The following PRKCA variants were observed in gnomAD, a reference collection of about 807,000 sequenced individuals.
PRKCA encodes the protein protein kinase C alpha.
Under a neutral mutation model 87.0 loss-of-function variants are expected in PRKCA, and 27 were observed. The observed-to-expected ratio is 0.31, with a 90% confidence interval of 0.23 to 0.43. The LOEUF (loss-of-function observed/expected upper bound fraction) is 0.43. Among genes scored for constraint, PRKCA ranks in the 20% least tolerant of loss-of-function variants. PRKCA has a pLI of 1.00. For missense variants in PRKCA, 518 were observed against 852.3 expected (o/e 0.61, Z 4.88); for synonymous variants, 329 against 311.1 (o/e 1.06, Z -0.61).
chr17:66,421,699 ATTTTTTT>A (rs775159872), intron 2 of PRKCA, among the ~76,000 whole-genome samples: 6 of 136,394 alleles, frequency 4.4e-5, no homozygotes, highest in East Asian at 2.1e-4. Flanking sequence ...GGCCTGGCTA[ATTTTTTT>A]TTTTTTTTTT....
At chr17:66,336,593 G>GT (rs1292302662) in intron 2 of PRKCA, among the ~76,000 whole-genome samples, 2 of 108,614 alleles carry the variant, frequency 1.8e-5, no homozygotes, top group African/African-American at 2.8e-5. Context: ...ATTGGCTTAA[G>GT]TTTTTTTGGT....
intron 2 of PRKCA, among the ~76,000 whole-genome samples, chr17:66,466,174 A>T (rs374318453): frequency 3.1e-4 from 47 of 152,228 alleles, no homozygotes; most frequent in African/African-American, 1.1e-3. Flanking sequence ...AAGCACGAGG[A>T]TGGGTCTGGA....
At chr17:66,523,275 C>G (rs1268392402) in intron 3 of PRKCA, among the ~76,000 whole-genome samples, 1 of 152,136 alleles carries the variant, frequency 6.6e-6, no homozygotes, top group Non-Finnish European at 1.5e-5. Flanking sequence ...ATGCATTCCC[C>G]CAGTTCCTCC....
chr17:66,338,439 G>A (rs573257478), intron 2 of PRKCA, among the ~76,000 whole-genome samples: 9 of 152,164 alleles, frequency 5.9e-5, no homozygotes, highest in South Asian at 2.1e-4. Flanking sequence ...TGAGAGAGGG[G>A]GATGAGGAAA....
chr17:66,798,489 C>T (rs62070966), intron 16 of PRKCA, among the ~76,000 whole-genome samples: 20 of 1,390 alleles, frequency 0.014, no homozygotes, highest in South Asian at 0.021. Context: ...GTGGTGGTGA[C>T]GGTGGTGGTG....
intron 8 of PRKCA, among the ~76,000 whole-genome samples, chr17:66,714,370 A>C (rs78821503): frequency 0.15 from 22,318 of 152,140 alleles, 1,875 homozygotes; most frequent in East Asian, 0.27. Context: ...TTGTGCCCTC[A>C]GGCCTGTGCC....
intron 2 of PRKCA, among the ~76,000 whole-genome samples, chr17:66,491,006 GA>G (rs1916221419): frequency 6.6e-6 from 1 of 152,174 alleles, no homozygotes; most frequent in African/African-American, 2.4e-5. Flanking sequence ...GATTAGCAAG[GA>G]ATATGGATCA....
intron 3 of PRKCA, among the ~76,000 whole-genome samples, chr17:66,544,190 C>G (rs1327379024): frequency 6.6e-6 from 1 of 152,094 alleles, no homozygotes; most frequent in Non-Finnish European, 1.5e-5. Context: ...GACCACTGCA[C>G]TGCAGCCTGG....
chr17:66,540,315 T>A (rs908150), intron 3 of PRKCA, among the ~76,000 whole-genome samples: 1 of 151,730 alleles, frequency 6.6e-6, no homozygotes, highest in Non-Finnish European at 1.5e-5. Context: ...CAGCGGAGAG[T>A]CTGGAGCCCT....
chr17:66,602,409 G>T (rs1486298993), intron 3 of PRKCA, among the ~76,000 whole-genome samples: 1 of 149,518 alleles, frequency 6.7e-6, no homozygotes, highest in African/African-American at 2.5e-5. Flanking sequence ...GTGAGGCAAT[G>T]CCTCGCCCTG....
chr17:66,510,364 G>A (rs1917171797), intron 3 of PRKCA, among the ~76,000 whole-genome samples: 1 of 152,178 alleles, frequency 6.6e-6, no homozygotes, highest in Non-Finnish European at 1.5e-5. Flanking sequence ...ACTGAACTGT[G>A]CCTGCTGTGT....
chr17:66,666,283 T>A (rs1456214638), intron 5 of PRKCA, among the ~76,000 whole-genome samples: 3 of 152,182 alleles, frequency 2.0e-5, no homozygotes, highest in Non-Finnish European at 4.4e-5. Context: ...AAATGTTGGA[T>A]GGCAGCAGAC....
intron 2 of PRKCA, among the ~76,000 whole-genome samples, chr17:66,327,452 C>T (rs1906050706): frequency 6.6e-6 from 1 of 151,784 alleles, no homozygotes; most frequent in South Asian, 2.1e-4. Context: ...ACGAGAATCA[C>T]TGGAACCCGG....
intron 2 of PRKCA, among the ~76,000 whole-genome samples, chr17:66,336,864 C>T (rs1250944910): frequency 2.0e-5 from 3 of 151,394 alleles, no homozygotes; most frequent in African/African-American, 7.3e-5. Context: ...TCTCGGCTTA[C>T]TGCAACCTCT....
intron 2 of PRKCA, among the ~76,000 whole-genome samples, chr17:66,316,791 A>G (rs966160540): frequency 1.4e-4 from 21 of 152,222 alleles, no homozygotes; most frequent in African/African-American, 4.8e-4. Context: ...TGAGATACTC[A>G]GTTATACTAG....
intron 3 of PRKCA, among the ~76,000 whole-genome samples, chr17:66,504,301 AG>A (rs1916873223): frequency 7.1e-6 from 1 of 141,452 alleles, no homozygotes. Context: ...AAGATTGCAC[AG>A]GGTGGGCCAC....
rs1971444097 is a variant in PRKCA at position 66,646,027 on chromosome 17, T to C, written c.529+516T>C. Among the ~76,000 whole-genome samples, 3 of 152,220 alleles carry C rather than the reference T, an allele frequency of 2.0e-5. No individual in the cohort carries two copies. In the South Asian group the frequency reaches 6.2e-4, roughly 32 times the overall value. On this transcript the variant is annotated intron_variant, in intron 5 of 16. Coordinates refer to ENST00000413366, the MANE Select transcript of PRKCA (RefSeq NM_002737.3). Reference sequence around the variant, plus strand: ...TTCACATAGATTAGTTATTTAGACCTGACACCTAGCTGGTTATTAGCCTCG... The same window carrying C: ...TTCACATAGATTAGTTATTTAGACCCGACACCTAGCTGGTTATTAGCCTCG...
At chr17:66,708,534 C>G (rs905293542) in intron 8 of PRKCA, among the ~76,000 whole-genome samples, 5 of 152,200 alleles carry the variant, frequency 3.3e-5, no homozygotes, top group Non-Finnish European at 5.9e-5. Context: ...TACCCAGTGG[C>G]TGCCGGAAGG....
chr17:66,628,971 G>T (rs1970933057), intron 3 of PRKCA, among the ~76,000 whole-genome samples: 1 of 152,252 alleles, frequency 6.6e-6, no homozygotes. Flanking sequence ...AGAGGTTGCA[G>T]TGAGCCAAGA....
Sources: gnomAD v4.1 joint callset for allele counts (sites outside exome capture counted in the v4.1 genomes callset) on GRCh38, gnomAD v4.1.1 for gene constraint, MANE v1.5 for transcripts, NCBI Gene and HGNC (gene_info 2026-07-23, HGNC 2026-07-21) for gene names.